PXK: variants seen among roughly 807,000 people sequenced by gnomAD.
The protein encoded by PXK is PX domain containing serine/threonine kinase like, also known as PX domain-containing protein kinase-like protein.
A neutral mutation model predicts 84.7 loss-of-function variants in PXK; 35 were observed. The observed-to-expected ratio is 0.41, with a 90% CI of 0.32 to 0.55. The LOEUF (loss-of-function observed/expected upper bound fraction) is 0.55, where lower values mean the gene tolerates loss of function less well. Ranked by LOEUF, PXK falls within the 20% of genes least tolerant of loss-of-function variation. The pLI is 0.21. For missense variants in PXK, 634 were observed against 699.7 expected (o/e 0.91, Z 1.06); for synonymous variants, 253 against 260.8 (o/e 0.97, Z 0.29).
intron 17 of PXK, chr3:58,420,557 C>T (rs1403258053): frequency 1.8e-5 from 27 of 1,535,944 alleles, no homozygotes; most frequent in Non-Finnish European, 2.2e-5. Flanking sequence ...CCATTTTGAA[C>T]GTGAATTTTC....
chr3:58,381,180 C>CA (rs1215692762), intron 3 of PXK, among the ~76,000 whole-genome samples: 1 of 143,916 alleles, frequency 6.9e-6, no homozygotes, highest in East Asian at 2.1e-4. Flanking sequence ...ACCCAGGAGA[C>CA]AGAGTTTGCA....
rs2059956176 is a variant in PXK, at chr3:58,409,962, G to A, written c.1396-128G>A. The A allele has an allele frequency of 3.0e-6, 2 of 659,712 alleles. No homozygotes were observed. Among genetic ancestry groups the A allele is most frequent in the Non-Finnish European group, 5.3e-6 (2 of 378,728 alleles). 40.9% of individuals were successfully genotyped at this position (659,712 alleles called of 1,614,324 possible). ...CTTCACTGTGTTAAGTTATGGGGCT[G>A]AATATTACCTTGTCTGCAGCTAGTT... is the stretch of plus-strand genomic sequence containing the variant. On this transcript the variant is annotated intron_variant, in intron 15 of 17. Coordinates refer to ENST00000356151, the MANE Select transcript of PXK (RefSeq NM_017771.5). The surrounding 1 kb of genome is among the most constrained non-coding windows in gnomAD (Gnocchi z 4.2).
intron 1 of PXK, among the ~76,000 whole-genome samples, chr3:58,352,206 C>G (rs896390986): frequency 6.6e-6 from 1 of 152,160 alleles, no homozygotes; most frequent in Non-Finnish European, 1.5e-5. Context: ...CCTTCAGGTT[C>G]CAGAAGGGCT....
Position 58,409,533 on chromosome 3 carries a change from T to C in PXK, c.1310T>C (p.Ile437Thr). The change falls in exon 15 of 18, where the codon ATT becomes ACT. Residue 437 changes from isoleucine to threonine, a missense_variant and splice_region_variant. Physicochemically the swap from Ile to Thr is moderately conservative, Grantham distance 89. Coordinates refer to ENST00000356151, the MANE Select transcript of PXK (RefSeq NM_017771.5). This position sits in a 1 kb window ranked among gnomAD's most constrained non-coding sequence, Gnocchi z 4.2. ...CTTACATCTTATGGTCTTTTAAAGA[T>C]TCACCAGCATCGAAGACTGACAAGA... is the stretch of plus-strand genomic sequence containing the variant. Reference protein sequence around the residue: ...EKRLIEEQKQIHQHRRLTRAQ... With the variant: ...EKRLIEEQKQTHQHRRLTRAQ... 2 of 1,612,684 alleles carry C rather than the reference T, an allele frequency of 1.2e-6. No homozygotes were observed. Among genetic ancestry groups the C allele is most frequent in the Non-Finnish European group, 1.7e-6 (2 of 1,179,270 alleles).
At position 58,399,585 on chromosome 3, in the gene PXK, A is replaced by G. The variant is rs567776770; in HGVS notation, c.1181+208A>G. Among the ~76,000 whole-genome samples the G allele has an allele frequency of 6.6e-6, 1 of 152,188 alleles. No individual in the cohort carries two copies. Among genetic ancestry groups the G allele is most frequent in the East Asian group, 1.9e-4 (1 of 5,176 alleles). On this transcript the variant is annotated intron_variant, in intron 12 of 17. Coordinates refer to ENST00000356151, the MANE Select transcript of PXK (RefSeq NM_017771.5). The surrounding 1 kb of genome is among the most constrained non-coding windows in gnomAD (Gnocchi z 4.3). ...CCTGGTCTGATGGCTATCCTTTAAC[A>G]TCTGTGTCATTTTCACGTGTATCTC... is the stretch of plus-strand genomic sequence containing the variant.
intron 17 of PXK, chr3:58,422,040 C>A: frequency 3.0e-6 from 3 of 985,390 alleles, no homozygotes; most frequent in Non-Finnish European, 2.4e-6. Flanking sequence ...AGGTTTGTCA[C>A]AGGCCAAATG....
chr3:58,338,067 C>T (rs1432468052), intron 1 of PXK, among the ~76,000 whole-genome samples: 3 of 152,046 alleles, frequency 2.0e-5, no homozygotes, highest in African/African-American at 7.2e-5. Flanking sequence ...CTTAGCCAGG[C>T]GTGGTGGCTC....
intron 17 of PXK, chr3:58,420,889 A>G: frequency 1.7e-6 from 2 of 1,153,076 alleles, no homozygotes; most frequent in Non-Finnish European, 2.1e-6. Flanking sequence ...CATAACTCTC[A>G]AAGTCCCGTT....
In PXK at chr3:58,346,924, C is replaced by T. The variant is rs370111199; in HGVS notation, c.102+13834C>T. On this transcript the variant is annotated intron_variant, in intron 1 of 17. Coordinates refer to ENST00000356151, the MANE Select transcript of PXK (RefSeq NM_017771.5). The stretch of plus-strand genomic sequence containing the variant: ...TGCGATCTCGGCTCACTGCAACCTC[C>T]GCCTCCCAGGTTCAAGCCATTCTCC... 9.2e-5 allele frequency among the ~76,000 whole-genome samples: 14 copies of T among 152,194 alleles called. No individual in the cohort carries two copies. In the East Asian group the frequency reaches 9.6e-4, roughly 10 times the overall value.
chr3:58,375,534 ATTGT>A (rs2098434646), intron 3 of PXK, among the ~76,000 whole-genome samples: 1 of 152,258 alleles, frequency 6.6e-6, no homozygotes, highest in Non-Finnish European at 1.5e-5. Flanking sequence ...TTTGTTCAAC[ATTGT>A]TTGGTTGTAA....
In PXK at chr3:58,398,002, G is replaced by A. The variant is rs2057974495; in HGVS notation, c.1102+280G>A. 6.6e-6 allele frequency among the ~76,000 whole-genome samples: 1 copy of A among 152,188 alleles called. No individual in the cohort carries two copies. Among genetic ancestry groups the A allele is most frequent in the South Asian group, 2.1e-4 (1 of 4,832 alleles). On this transcript the variant is annotated intron_variant, in intron 11 of 17. Coordinates refer to ENST00000356151, the MANE Select transcript of PXK (RefSeq NM_017771.5). The surrounding 1 kb of genome is among the most constrained non-coding windows in gnomAD (Gnocchi z 4.5). ...GCAGGAGGATGTAAAGAGAAGTATGGCCTGCATGAGTGTGATGCAGAAGCT... is the reference window on the plus strand; with the variant it reads ...GCAGGAGGATGTAAAGAGAAGTATGACCTGCATGAGTGTGATGCAGAAGCT...
chr3:58,336,822 G>T (rs1249771810), intron 1 of PXK, among the ~76,000 whole-genome samples: 1 of 151,784 alleles, frequency 6.6e-6, no homozygotes, highest in African/African-American at 2.4e-5. Flanking sequence ...CCTTTTTTTG[G>T]GGGGTGGGGG....
At chr3:58,418,651 G>A (rs945797273) in intron 17 of PXK, among the ~76,000 whole-genome samples, 2 of 152,162 alleles carry the variant, frequency 1.3e-5, no homozygotes, top group Non-Finnish European at 2.9e-5. Context: ...TTAGATAGAT[G>A]GCATACATGG....
Position 58,399,406 on chromosome 3 carries a change from T to C in PXK, c.1181+29T>C, listed in dbSNP as rs771454531. 2.8e-5 allele frequency: 44 copies of C among 1,584,908 alleles called. No homozygotes were observed. Among genetic ancestry groups the C allele is most frequent in the Non-Finnish European group, 3.7e-5 (43 of 1,154,208 alleles). On this transcript the variant is annotated intron_variant, in intron 12 of 17. Coordinates refer to ENST00000356151, the MANE Select transcript of PXK (RefSeq NM_017771.5). The surrounding 1 kb of genome is among the most constrained non-coding windows in gnomAD (Gnocchi z 4.3). ...AGTCAATCATATGCGTTGGTTGTAA[T>C]CTTGATAACTATGTTGAACACCAGA...
Position 58,382,639 on chromosome 3 carries a change from G to A in PXK, c.327G>A (p.Leu109=). 1 of 1,596,226 alleles carries A rather than the reference G, an allele frequency of 6.3e-7. No homozygotes were observed. Among genetic ancestry groups the A allele is most frequent in the East Asian group, 2.3e-5 (1 of 43,888 alleles). The change falls in exon 4 of 18, where the codon TTG becomes TTA. Residue 109 remains leucine (L), a synonymous_variant. Coordinates refer to ENST00000356151, the MANE Select transcript of PXK (RefSeq NM_017771.5). ...ACGTGATCACAACAAATCATATCTT[G>A]TCTAATTGTGAGCTGGTTAAGAAGT... ...YLNVITTNHI[L]SNCELVKKFL...
chr3:58,412,061 C>A lies in PXK; in HGVS notation c.1466-840C>A, dbSNP rs1380855008. Among the ~76,000 whole-genome samples the A allele has an allele frequency of 6.6e-6, 1 of 152,096 alleles. No individual in the cohort carries two copies. Among genetic ancestry groups the A allele is most frequent in the East Asian group, 1.9e-4 (1 of 5,178 alleles). ...TGGCTTCTCAGGCGTGTGATGGCAG[C>A]CCTCTGGGTGTGTGTGCCCATCAGC... is the stretch of plus-strand genomic sequence containing the variant. On this transcript the variant is annotated intron_variant, in intron 16 of 17. Transcript: ENST00000356151. This position sits in a 1 kb window ranked among gnomAD's most constrained non-coding sequence, Gnocchi z 6.2.
intron 17 of PXK, among the ~76,000 whole-genome samples, chr3:58,418,127 T>TA (rs1405890686): frequency 6.6e-6 from 1 of 152,150 alleles, no homozygotes; most frequent in African/African-American, 2.4e-5. Flanking sequence ...GCCCTTTTTT[T>TA]AAAAAATGGG....
chr3:58,344,849 A>C (rs1356405506), intron 1 of PXK, among the ~76,000 whole-genome samples: 1 of 152,138 alleles, frequency 6.6e-6, no homozygotes, highest in East Asian at 1.9e-4. Context: ...AAAACAAAAC[A>C]AAAAACAAGT....
At chr3:58,378,505 TTTTTTTTTGTGTGTGTGTGTGTGTGTG>T (rs1559986330) in intron 3 of PXK, among the ~76,000 whole-genome samples, 6 of 81,686 alleles carry the variant, frequency 7.3e-5, no homozygotes, top group Middle Eastern at 4.2e-3. Flanking sequence ...TTTTTTTTTT[TTTTTTTTTGTGTGTGTGTGTGTGTGTG>T]TGTGTGTGTG....
Sources: allele counts gnomAD v4.1 joint callset (sites outside exome capture counted in the v4.1 genomes callset), GRCh38; gene constraint gnomAD v4.1.1; non-coding constraint Gnocchi (gnomAD v3.1); transcripts MANE v1.5; gene names NCBI Gene and HGNC (gene_info 2026-07-23, HGNC 2026-07-21).